The following UBAP2 variants were observed in gnomAD, a reference collection of about 807,000 sequenced individuals.
The protein encoded by UBAP2 is ubiquitin associated protein 2.
In UBAP2, 75 loss-of-function variants were observed where a neutral mutation model predicts 139.6. The ratio of observed to expected loss-of-function variants is 0.54; its 90% CI spans 0.45 to 0.65. The LOEUF is 0.65. Ranked by LOEUF, UBAP2 falls within the 30% of genes least tolerant of loss-of-function variation. The pLI is 0.00. For synonymous variants in UBAP2, 526 were observed against 526.2 expected, an observed-to-expected ratio of 1.00 and a Z score of 0.01; for missense variants, 1,368 against 1,369.6, an observed-to-expected ratio of 1.00 and a Z score of 0.02.
At chr9:33,960,682 A>G in intron 10 of UBAP2, 144 bp downstream of exon 10, 1 of 706,324 alleles carries the variant, frequency 1.4e-6, no homozygotes, top group Non-Finnish European at 2.4e-6. Context: ...TGGGAGGCTG[A>G]GGCAGAAGAA....
At chr9:33,982,386 G>C (rs1344660318) in intron 6 of UBAP2, among the ~76,000 whole-genome samples, 6 of 152,142 alleles carry the variant, frequency 3.9e-5, no homozygotes, top group African/African-American at 1.4e-4. Context: ...TTACTATCCA[G>C]CAAGGCCAAC....
rs1564024382 is a variant in UBAP2, at chr9:33,944,553, G to C, written c.1357C>G (p.Pro453Ala). ...GAAGGAAAGGACTCCAAACCAGGAG[G>C]AGGAACAGTGACTGCCTGGCTCTGG... ...QHQSQAVTVP[P>A]PGLESFPSQA... The change falls in exon 14 of 29, where the codon CCT (proline) becomes GCT (alanine). Residue 453 changes from proline to alanine, a missense_variant. Pro to Ala is a conservative substitution (Grantham distance 27). Coordinates refer to ENST00000379238, the MANE Select transcript of UBAP2 (RefSeq NM_001370062.2). The C allele has an allele frequency of 1.9e-6, 3 of 1,614,182 alleles. No individual in the cohort carries two copies. The highest frequency in any genetic ancestry group is 3.3e-4 in the Middle Eastern group (2 of 6,062).
At chr9:34,008,976 A>G (rs1329000662) in intron 2 of UBAP2, among the ~76,000 whole-genome samples, 1 of 151,522 alleles carries the variant, frequency 6.6e-6, no homozygotes, top group East Asian at 1.9e-4. Context: ...AAAAAAAAAA[A>G]AAAAAAAAAA....
intron 1 of UBAP2, among the ~76,000 whole-genome samples, chr9:34,037,997 CAAAAAAAAAAA>C (rs72361484): frequency 1.1e-5 from 1 of 87,364 alleles, no homozygotes; most frequent in African/African-American, 4.5e-5. Context: ...CCTGTCTCTA[CAAAAAAAAAAA>C]AAAAAAAAAA....
At position 33,948,512 on chromosome 9, in the gene UBAP2, C is replaced by T; in HGVS notation, c.1132G>A (p.Asp378Asn). Residue 378 changes from aspartate to asparagine, a missense_variant, in exon 13 of 29, where the codon GAC (aspartate) becomes AAC (asparagine). Physicochemically the swap from Asp to Asn is conservative, Grantham distance 23 (BLOSUM62 1). Transcript: ENST00000379238. ...MANITSSQIL[D>N]QLKAPSLGQF... is the part of the protein sequence containing the mutation. ...CCCAAACTCGGAGCTTTCAACTGGT[C>T]CAAAATCTGGGAGCTGGTGATGTTT... is the stretch of plus-strand genomic sequence containing the variant. The T allele has an allele frequency of 3.1e-6, 5 of 1,614,106 alleles. No individual in the cohort carries two copies. Among genetic ancestry groups the T allele is most frequent in the Non-Finnish European group, 4.2e-6 (5 of 1,180,022 alleles).
rs1828309454 is a variant in UBAP2 at position 33,975,984 on chromosome 9, G to A, written c.521-2747C>T. 2.0e-5 allele frequency among the ~76,000 whole-genome samples: 3 copies of A among 152,260 alleles called. No individual in the cohort carries two copies. In the South Asian group the frequency reaches 6.2e-4, roughly 32 times the overall value. ...TAATCCCAGCACTTTTGGAGGCCAA[G>A]GCAGGAGGATCGCTTGAGGCCAGGA... On this transcript the variant is annotated intron_variant, in intron 6 of 28. Transcript: ENST00000379238.
intron 6 of UBAP2, among the ~76,000 whole-genome samples, chr9:33,976,816 G>A (rs1056346296): frequency 2.0e-5 from 3 of 151,274 alleles, no homozygotes; most frequent in Non-Finnish European, 2.9e-5. Flanking sequence ...GGCCAACATG[G>A]TGAAATCCCA....
intron 1 of UBAP2, among the ~76,000 whole-genome samples, chr9:34,043,833 G>GA (rs1827310912): frequency 1.1e-4 from 1 of 8,866 alleles, no homozygotes; most frequent in African/African-American, 2.0e-4. Flanking sequence ...CCATGTTTCA[G>GA]GGGGAAAAAA....
At chr9:33,933,269 G>GTGC (rs1477385180) in intron 18 of UBAP2, among the ~76,000 whole-genome samples, 3 of 152,186 alleles carry the variant, frequency 2.0e-5, no homozygotes, top group Admixed American at 2.0e-4. Context: ...AGGGGACCCA[G>GTGC]TGCTCTGTGC....
At chr9:34,033,366 A>C (rs957931801) in intron 1 of UBAP2, among the ~76,000 whole-genome samples, 1 of 152,198 alleles carries the variant, frequency 6.6e-6, no homozygotes, top group South Asian at 2.1e-4. Context: ...AGAAACAGAA[A>C]GACAAACATC....
At chr9:33,993,710 C>T (rs944808335) in intron 4 of UBAP2, among the ~76,000 whole-genome samples, 10 of 152,218 alleles carry the variant, frequency 6.6e-5, no homozygotes, top group Admixed American at 3.9e-4. Flanking sequence ...AAGACTTTAC[C>T]TCTACTTCTG....
At chr9:33,992,844 G>A (rs1007006895) in intron 4 of UBAP2, among the ~76,000 whole-genome samples, 6 of 152,064 alleles carry the variant, frequency 3.9e-5, no homozygotes, top group Non-Finnish European at 8.8e-5. Flanking sequence ...CTCTGTTATC[G>A]GTATTTTGCT....
chr9:33,940,369 C>T (rs1262354550), intron 16 of UBAP2, among the ~76,000 whole-genome samples: 1 of 152,132 alleles, frequency 6.6e-6, no homozygotes, highest in African/African-American at 2.4e-5. Flanking sequence ...AGTTCCAGCA[C>T]TGTTAATAAA....
At chr9:33,971,298 C>T (rs1218702686) in intron 8 of UBAP2, among the ~76,000 whole-genome samples, 1 of 152,160 alleles carries the variant, frequency 6.6e-6, no homozygotes, top group African/African-American at 2.4e-5. Flanking sequence ...GCCAAAGAAT[C>T]CACCATTAGA....
At chr9:34,013,972 T>C (rs1455746999) in intron 2 of UBAP2, among the ~76,000 whole-genome samples, 3 of 151,844 alleles carry the variant, frequency 2.0e-5, no homozygotes, top group African/African-American at 7.3e-5. Flanking sequence ...CAGAATAGGA[T>C]TAATGAATAA....
At chr9:34,000,011 G>A (rs868609156) in intron 2 of UBAP2, among the ~76,000 whole-genome samples, 3 of 151,932 alleles carry the variant, frequency 2.0e-5, no homozygotes, top group African/African-American at 4.8e-5. Context: ...GCACTGGCAC[G>A]ATCTTGGCTC....
intron 13 of UBAP2, among the ~76,000 whole-genome samples, chr9:33,945,273 C>A (rs1011388833): frequency 3.9e-5 from 6 of 152,080 alleles, no homozygotes; most frequent in Non-Finnish European, 8.8e-5. Flanking sequence ...CCGAGGCAGG[C>A]AGATCACGAA....
chr9:34,017,279 T>C lies in UBAP2; in HGVS notation c.-41-90A>G, dbSNP rs535488604. The C allele has an allele frequency of 7.5e-5, 40 of 530,288 alleles. No individual in the cohort carries two copies. In the South Asian group the frequency reaches 8.1e-4, roughly 11 times the overall value. 32.8% of individuals were successfully genotyped at this position (530,288 alleles called of 1,614,324 possible). ...AAACAAGGACACTTACAATAAAAGA[T>C]AAAAGCTCTCTGGAATACAAATTCT... On this transcript the variant is annotated intron_variant, in intron 1 of 28. Transcript: ENST00000379238.
intron 2 of UBAP2, among the ~76,000 whole-genome samples, chr9:34,010,293 A>G (rs10971846): frequency 0.68 from 101,810 of 149,656 alleles, 35,278 homozygotes; most frequent in East Asian, 0.82. Context: ...TCATGATGGC[A>G]GGTGCCTGTA....
Sources: allele counts gnomAD v4.1 joint callset (sites outside exome capture counted in the v4.1 genomes callset), GRCh38; gene constraint gnomAD v4.1.1; transcripts MANE v1.5; gene names NCBI Gene and HGNC (gene_info 2026-07-23, HGNC 2026-07-21).